ADGRB3: variants seen among roughly 807,000 people sequenced by gnomAD.
The protein encoded by ADGRB3 is adhesion G protein-coupled receptor B3, also known as brain-specific angiogenesis inhibitor 3.
A neutral mutation model predicts 193.4 loss-of-function variants in ADGRB3; 37 were observed. The observed-to-expected ratio is 0.19, with a 90% confidence interval of 0.15 to 0.25. ADGRB3 has a LOEUF of 0.25. ADGRB3 is among the 10% of genes least tolerant of loss of function. The probability of loss-of-function intolerance (pLI) is 1.00; values close to 1 mark genes in which losing one functional copy is unlikely to be tolerated. For synonymous variants in ADGRB3, 690 were observed against 644.2 expected (o/e 1.07, Z -1.08); for missense variants, 1,637 against 1,852.9 (o/e 0.88, Z 2.14).
At chr6:68,714,414 G>C (rs1765457290) in intron 3 of ADGRB3, among the ~76,000 whole-genome samples, 1 of 151,642 alleles carries the variant, frequency 6.6e-6, no homozygotes, top group South Asian at 2.1e-4. Flanking sequence ...TGATGTGCAG[G>C]TGTGCACTAA....
At chr6:69,256,112 A>G (rs1222317320) in intron 20 of ADGRB3, among the ~76,000 whole-genome samples, 1 of 151,448 alleles carries the variant, frequency 6.6e-6, no homozygotes, top group Non-Finnish European at 1.5e-5. Context: ...GTAGCCTTGT[A>G]GTATAGTTTG....
intron 3 of ADGRB3, among the ~76,000 whole-genome samples, chr6:68,716,065 T>C (rs1427557194): frequency 6.6e-6 from 1 of 151,730 alleles, no homozygotes; most frequent in African/African-American, 2.4e-5. Flanking sequence ...AAAGAAGAAA[T>C]TGAACTTCAG....
At chr6:68,772,892 A>T (rs865993379) in intron 3 of ADGRB3, among the ~76,000 whole-genome samples, 514 of 30,206 alleles carry the variant, frequency 0.017, 1 homozygote, top group African/African-American at 0.022. Context: ...CAAAAAAAAA[A>T]AAATATATAT....
Position 69,346,922 on chromosome 6 carries a change from A to G in ADGRB3, c.3460-7311A>G, listed in dbSNP as rs6923073. 3.4e-3 allele frequency among the ~76,000 whole-genome samples: 511 copies of G among 152,358 alleles called. 2 individuals carry two copies. The highest frequency in any genetic ancestry group is 0.011 in the African/African-American group (477 of 41,576). ...ACACATGTACACCTGTGTTTATTGC[A>G]GCACTGTTCACAATAGCAAAGACTT... On this transcript the variant is annotated intron_variant, in intron 26 of 31. Coordinates refer to ENST00000370598, the MANE Select transcript of ADGRB3 (RefSeq NM_001704.3).
At chr6:68,756,178 GC>G (rs151027058) in intron 3 of ADGRB3, among the ~76,000 whole-genome samples, 3,836 of 152,158 alleles carry the variant, frequency 0.025, 164 homozygotes, top group African/African-American at 0.085. Context: ...AGAGTATAAT[GC>G]CCCAGGAGAC....
chr6:69,257,487 G>T (rs967395218), intron 20 of ADGRB3, among the ~76,000 whole-genome samples: 2 of 152,066 alleles, frequency 1.3e-5, no homozygotes, highest in African/African-American at 4.8e-5. Context: ...TAGTTTATTT[G>T]CGTAGAGGTG....
chr6:69,235,488 T>C (rs1217525039), intron 19 of ADGRB3, among the ~76,000 whole-genome samples: 1 of 152,084 alleles, frequency 6.6e-6, no homozygotes, highest in Admixed American at 6.6e-5. Flanking sequence ...GCTGTGAGTC[T>C]AACTGGTACA....
At position 68,869,960 on chromosome 6, in the gene ADGRB3, G is replaced by A. The variant is rs549300172; in HGVS notation, c.758-60599G>A. On this transcript the variant is annotated intron_variant, in intron 3 of 31. Coordinates refer to ENST00000370598, the MANE Select transcript of ADGRB3 (RefSeq NM_001704.3). The stretch of plus-strand genomic sequence containing the variant: ...TGCCTGGCTAATTTTTGTATTTTTA[G>A]TAGAGACGGGATTTCACCATGTTGG... Among the ~76,000 whole-genome samples the A allele has an allele frequency of 4.1e-3, 625 of 152,236 alleles. 3 individuals are homozygous for A. The highest frequency in any genetic ancestry group is 0.014 in the African/African-American group (598 of 41,550).
At chr6:69,332,542 T>G in intron 23 of ADGRB3, 10 of 985,402 alleles carry the variant, frequency 1.0e-5, no homozygotes, top group Non-Finnish European at 1.2e-5. Context: ...TACTCTAAGA[T>G]TCAGAATCTC....
At chr6:68,640,140 G>A (rs997075193) in intron 3 of ADGRB3, among the ~76,000 whole-genome samples, 1 of 152,160 alleles carries the variant, frequency 6.6e-6, no homozygotes, top group Non-Finnish European at 1.5e-5. Flanking sequence ...GGACGGGGTG[G>A]AGGGGTGCAA....
At chr6:68,662,614 A>G (rs1768691523) in intron 3 of ADGRB3, among the ~76,000 whole-genome samples, 1 of 151,554 alleles carries the variant, frequency 6.6e-6, no homozygotes, top group Non-Finnish European at 1.5e-5. Flanking sequence ...GTTGTATTCT[A>G]GTGTCCGTAC....
intron 20 of ADGRB3, among the ~76,000 whole-genome samples, chr6:69,285,723 G>T (rs553540103): frequency 2.6e-5 from 4 of 151,896 alleles, no homozygotes; most frequent in Admixed American, 6.6e-5. Flanking sequence ...GCAGTCTCCT[G>T]TTCAAGAACT....
intron 10 of ADGRB3, among the ~76,000 whole-genome samples, chr6:68,979,222 T>G (rs1356522108): frequency 6.6e-6 from 1 of 151,404 alleles, no homozygotes; most frequent in East Asian, 1.9e-4. Context: ...GCTACTTTTC[T>G]TATAAGTAGA....
intron 29 of ADGRB3, among the ~76,000 whole-genome samples, chr6:69,368,629 A>G (rs1435900099): frequency 2.6e-5 from 4 of 152,138 alleles, no homozygotes; most frequent in Non-Finnish European, 5.9e-5. Context: ...CCAGGAACTC[A>G]ACATTTAGAA....
intron 17 of ADGRB3, among the ~76,000 whole-genome samples, chr6:69,224,085 A>G (rs1015391198): frequency 6.6e-6 from 1 of 152,106 alleles, no homozygotes; most frequent in Non-Finnish European, 1.5e-5. Context: ...TCACCCTGAG[A>G]TAATTACTCT....
chr6:69,297,590 G>T (rs1411517749), intron 20 of ADGRB3, among the ~76,000 whole-genome samples: 2 of 151,848 alleles, frequency 1.3e-5, no homozygotes, highest in African/African-American at 4.8e-5. Flanking sequence ...GTTGTCAAAG[G>T]TCTTAAATGA....
chr6:68,823,911 G>T (rs1161101459), intron 3 of ADGRB3, among the ~76,000 whole-genome samples: 1 of 149,982 alleles, frequency 6.7e-6, no homozygotes, highest in African/African-American at 2.4e-5. Context: ...ATTTAGTTAA[G>T]TATTCCATTC....
Position 69,018,512 on chromosome 6 carries a change from A to AT in ADGRB3, c.2107+17dup, listed in dbSNP as rs756288384. 22 of 1,553,282 alleles carry AT rather than the reference A, an allele frequency of 1.4e-5. 1 individual carries two copies. The highest frequency in any genetic ancestry group is 1.9e-5 in the Non-Finnish European group (21 of 1,131,006). On this transcript the variant is annotated intron_variant, in intron 13 of 31. Transcript: ENST00000370598. ...ACTGGAAATGTAGGTAAGAAATAGGATTTTCCCCCAAAATCTTTCTGAAAT... is the reference window on the plus strand; with the variant it reads ...ACTGGAAATGTAGGTAAGAAATAGGATTTTTCCCCCAAAATCTTTCTGAAAT...
At chr6:68,751,296 C>T (rs1413452137) in intron 3 of ADGRB3, among the ~76,000 whole-genome samples, 4 of 152,226 alleles carry the variant, frequency 2.6e-5, no homozygotes, top group Non-Finnish European at 4.4e-5. Context: ...TTATCCCTCT[C>T]GGTAAGAATA....
Sources: gnomAD v4.1 joint callset for allele counts (sites outside exome capture counted in the v4.1 genomes callset) on GRCh38, gnomAD v4.1.1 for gene constraint, MANE v1.5 for transcripts, NCBI Gene and HGNC (gene_info 2026-07-23, HGNC 2026-07-21) for gene names.